The following ANKRD36C variants were observed in gnomAD, a reference collection of about 807,000 sequenced individuals.
The protein encoded by ANKRD36C is ankyrin repeat domain 36C.
In ANKRD36C, 61 loss-of-function variants were observed where a neutral mutation model predicts 276.4. The observed-to-expected ratio is 0.22, with a 90% CI of 0.18 to 0.27. The LOEUF (loss-of-function observed/expected upper bound fraction) is 0.27. Ranked by LOEUF, ANKRD36C falls within the 10% of genes least tolerant of loss-of-function variation. The pLI is 1.00. For missense variants in ANKRD36C, 1,447 were observed against 2,032.3 expected, an observed-to-expected ratio of 0.71 and a Z score of 5.54; for synonymous variants, 483 against 680.1, an observed-to-expected ratio of 0.71 and a Z score of 4.51.
chr2:95,957,706 A>C (rs1019024113), intron 12 of ANKRD36C, among the ~76,000 whole-genome samples: 2 of 152,258 alleles, frequency 1.3e-5, no homozygotes, highest in African/African-American at 4.8e-5. Flanking sequence ...TTCAATAAAA[A>C]TAAATATTTT....
At chr2:95,944,499 A>G (rs1573790576) in intron 19 of ANKRD36C, 128 bp downstream of exon 19, 2 of 994,222 alleles carry the variant, frequency 2.0e-6, no homozygotes, top group South Asian at 3.5e-5. Context: ...AAAGCATGGG[A>G]AAACTATTTT....
At chr2:95,919,305 G>A (rs1415781411) in intron 34 of ANKRD36C, among the ~76,000 whole-genome samples, 1 of 133,216 alleles carries the variant, frequency 7.5e-6, no homozygotes, top group African/African-American at 2.5e-5. Flanking sequence ...GGTCTCCTTA[G>A]TTCTCCTTCT....
intron 4 of ANKRD36C, 78 bp from the exon 5 acceptor site, chr2:95,980,863 G>C: frequency 6.7e-7 from 1 of 1,502,834 alleles, no homozygotes; most frequent in South Asian, 1.3e-5. Context: ...AACTTAATAT[G>C]TTGCCTGTCC....
At chr2:95,987,683 G>C (rs1211072426) in intron 1 of ANKRD36C, among the ~76,000 whole-genome samples, 2 of 141,078 alleles carry the variant, frequency 1.4e-5, no homozygotes, top group Admixed American at 1.5e-4. Flanking sequence ...CTGCAGTGGC[G>C]CAATCTCGGC....
At chr2:95,865,439 T>C (rs1675665411) in intron 60 of ANKRD36C, among the ~76,000 whole-genome samples, 1 of 152,084 alleles carries the variant, frequency 6.6e-6, no homozygotes, top group South Asian at 2.1e-4. Flanking sequence ...ATTTCAACAA[T>C]TACTATAAAT....
intron 13 of ANKRD36C, among the ~76,000 whole-genome samples, chr2:95,955,433 G>A (rs1678303672): frequency 6.6e-6 from 1 of 152,114 alleles, no homozygotes; most frequent in Non-Finnish European, 1.5e-5. Context: ...CCAACATCCT[G>A]TGTTATCATT....
intron 5 of ANKRD36C, among the ~76,000 whole-genome samples, chr2:95,979,879 C>T (rs1678882097): frequency 6.6e-6 from 1 of 151,938 alleles, no homozygotes; most frequent in Non-Finnish European, 1.5e-5. Context: ...TGTCAATTTG[C>T]TCCGTATGTA....
At chr2:95,893,051 C>T (rs937653086) in intron 44 of ANKRD36C, among the ~76,000 whole-genome samples, 2 of 151,118 alleles carry the variant, frequency 1.3e-5, no homozygotes, top group African/African-American at 4.8e-5. Flanking sequence ...TAAATGACTG[C>T]CTCTTTTCAC....
At chr2:95,974,580 C>T (rs1678765938) in intron 6 of ANKRD36C, among the ~76,000 whole-genome samples, 1 of 152,152 alleles carries the variant, frequency 6.6e-6, no homozygotes, top group Admixed American at 6.5e-5. Flanking sequence ...GTATACTTAG[C>T]ATATCATCTT....
At chr2:95,917,147 G>C (rs1298012773) in intron 36 of ANKRD36C, among the ~76,000 whole-genome samples, 1 of 151,560 alleles carries the variant, frequency 6.6e-6, no homozygotes, top group Non-Finnish European at 1.5e-5. Context: ...TATAAGTAAA[G>C]TCAACAAAAC....
At chr2:95,881,314 AG>A (rs1243263696) in intron 56 of ANKRD36C, among the ~76,000 whole-genome samples, 9 of 152,348 alleles carry the variant, frequency 5.9e-5, no homozygotes, top group Middle Eastern at 3.4e-3. Context: ...CCCATCAAAA[AG>A]TATAATAAAT....
chr2:95,890,361 G>C (rs546978957), intron 46 of ANKRD36C, among the ~76,000 whole-genome samples: 1 of 151,584 alleles, frequency 6.6e-6, no homozygotes, highest in East Asian at 1.9e-4. Flanking sequence ...GATCCCACAT[G>C]TGTTTCATGT....
chr2:95,917,736 G>A, intron 36 of ANKRD36C, 119 bp downstream of exon 38: 1 of 1,303,678 alleles, frequency 7.7e-7, no homozygotes, highest in South Asian at 1.4e-5. Flanking sequence ...CAGGACTGCT[G>A]GATCAGAATG....
chr2:95,981,516 A>C (rs1326088687), intron 4 of ANKRD36C, among the ~76,000 whole-genome samples: 2 of 148,540 alleles, frequency 1.3e-5, no homozygotes, highest in Non-Finnish European at 3.0e-5. Context: ...TTACATACAT[A>C]TGTGTGTATA....
chr2:95,889,982 T>C (rs1431863346), exon 47 of ANKRD36C: 8 of 1,609,766 alleles, frequency 5.0e-6, no homozygotes, highest in Non-Finnish European at 5.9e-6. Flanking sequence ...GGCTGGTTGT[T>C]TATGAGAAGA....
chr2:95,870,349 C>T (rs1489653954), intron 59 of ANKRD36C, among the ~76,000 whole-genome samples: 6 of 152,174 alleles, frequency 3.9e-5, no homozygotes, highest in Non-Finnish European at 1.5e-5. Context: ...GCAGCATTCG[C>T]GGTTCACGAA....
chr2:95,857,182 T>G, intron 62 of ANKRD36C, 127 bp downstream of exon 82: 1 of 1,170,152 alleles, frequency 8.5e-7, no homozygotes, highest in Non-Finnish European at 1.1e-6. Context: ...AATGCCATGA[T>G]TCATTTTTAA....
At chr2:95,967,743 C>G (rs998428494) in intron 6 of ANKRD36C, among the ~76,000 whole-genome samples, 2 of 151,878 alleles carry the variant, frequency 1.3e-5, no homozygotes, top group African/African-American at 4.8e-5. Context: ...ACTTGAGAAG[C>G]CCAGGAGTTT....
At chr2:95,956,897 C>T (rs1678340630) in intron 12 of ANKRD36C, 81 bp from the exon 13 acceptor site, 3 of 1,344,550 alleles carry the variant, frequency 2.2e-6, no homozygotes, top group Non-Finnish European at 3.0e-6. Flanking sequence ...AGCACAGTGA[C>T]TTGTTCCTAT....
Sources: allele counts gnomAD v4.1 joint callset (sites outside exome capture counted in the v4.1 genomes callset), GRCh38; gene constraint gnomAD v4.1.1; transcripts MANE v1.5; gene names NCBI Gene and HGNC (gene_info 2026-07-23, HGNC 2026-07-21).